AFDN: variants seen among roughly 807,000 people sequenced by gnomAD.
The protein encoded by AFDN is afadin.
In AFDN, 68 loss-of-function variants were observed where a neutral mutation model predicts 216.6. That is an observed-to-expected ratio of 0.31 (90% CI 0.26 to 0.38). The LOEUF (loss-of-function observed/expected upper bound fraction) is 0.38, where lower values mean the gene tolerates loss of function less well. Among genes scored for constraint, AFDN ranks in the 10% least tolerant of loss-of-function variants. The pLI is 1.00. For missense variants in AFDN, 2,136 were observed against 2,342.0 expected (o/e 0.91, Z 1.82); for synonymous variants, 868 against 853.7 (o/e 1.02, Z -0.29).
Position 167,911,478 on chromosome 6 carries a change from G to A in AFDN, c.2026G>A (p.Gly676Ser), listed in dbSNP as rs1790387432. Reference sequence around the variant, plus strand: ...CAACAAGATGGTGAGCATGATGGAGGGTGTCATCCAGGTACGTTCCAGCCG... The same window carrying A: ...CAACAAGATGGTGAGCATGATGGAGAGTGTCATCCAGGTACGTTCCAGCCG... Reference protein sequence around the residue: ...VVNKMVSMMEGVIQEVDQVDQ... With the variant: ...VVNKMVSMMESVIQEVDQVDQ... Residue 676 changes from glycine to serine, a missense_variant, in exon 15 of 34, where the codon GGT becomes AGT. Gly to Ser is a moderately conservative substitution (Grantham distance 56). This residue lies in a region of AFDN where 817 missense variants were observed against 965.7 expected (regional missense o/e 0.85). Transcript: ENST00000683244. 6.2e-7 allele frequency: 1 copy of A among 1,613,888 alleles called. No homozygotes were observed. Among genetic ancestry groups the A allele is most frequent in the Admixed American group, 1.7e-5 (1 of 59,990 alleles).
chr6:167,890,408 C>T (rs538169628), intron 7 of AFDN, among the ~76,000 whole-genome samples: 62 of 152,100 alleles, frequency 4.1e-4, no homozygotes, highest in South Asian at 1.0e-3. Flanking sequence ...CGGGAACAGG[C>T]GGTATTTGGT....
At position 167,843,184 on chromosome 6, in the gene AFDN, T is replaced by G. The variant is rs1365467868; in HGVS notation, c.105+15947T>G. On this transcript the variant is annotated intron_variant, in intron 1 of 33. Coordinates refer to ENST00000683244, the MANE Select transcript of AFDN (RefSeq NM_001386888.1). The stretch of plus-strand genomic sequence containing the variant: ...ATTACCTCCACATCGTAAACTTGAT[T>G]GGTCTCTTTGCTTCTAGTCCATTCT... Among the ~76,000 whole-genome samples the G allele has an allele frequency of 3.9e-5, 6 of 152,210 alleles. No individual in the cohort carries two copies. In the East Asian group the frequency reaches 1.2e-3, roughly 29 times the overall value.
At chr6:167,963,668 C>T (rs940050601) in intron 31 of AFDN, 126 of 1,060,566 alleles carry the variant, frequency 1.2e-4, no homozygotes, top group Non-Finnish European at 1.4e-4. Context: ...CCTTTGCCCT[C>T]TAAGTTTATC....
intron 6 of AFDN, among the ~76,000 whole-genome samples, chr6:167,883,973 C>T (rs1310790966): frequency 6.6e-6 from 1 of 152,244 alleles, no homozygotes; most frequent in African/African-American, 2.4e-5. Context: ...GTCCTCCCAA[C>T]CCCTGCCACT....
At chr6:167,917,283 G>T in intron 20 of AFDN, 51 bp downstream of exon 20, 2 of 1,402,648 alleles carry the variant, frequency 1.4e-6, no homozygotes, top group Non-Finnish European at 1.9e-6. Context: ...GTTTGCATGG[G>T]GACATTTGGA....
chr6:167,913,517 T>C, intron 16 of AFDN, 94 bp downstream of exon 16: 1 of 1,182,478 alleles, frequency 8.5e-7, no homozygotes, highest in Non-Finnish European at 1.2e-6. Flanking sequence ...ACAGCTGGAC[T>C]GAACAGCTCA....
chr6:167,885,207 C>T (rs1031119371), intron 6 of AFDN, among the ~76,000 whole-genome samples: 1 of 152,168 alleles, frequency 6.6e-6, no homozygotes, highest in Admixed American at 6.5e-5. Flanking sequence ...CAGACTTTCT[C>T]CATATGAGCA....
chr6:167,898,151 T>C (rs1281237787), intron 10 of AFDN, 54 bp from the exon 11 acceptor site: 11 of 1,595,034 alleles, frequency 6.9e-6, no homozygotes, highest in African/African-American at 1.3e-5. Context: ...CATTCTGTGT[T>C]TAAATGCTGT....
At position 167,965,989 on chromosome 6, in the gene AFDN, C is replaced by G. The variant is rs1797512598; in HGVS notation, c.5201C>G (p.Thr1734Ser). 1 of 1,550,872 alleles carries G rather than the reference C, an allele frequency of 6.4e-7. No individual in the cohort carries two copies. Among genetic ancestry groups the G allele is most frequent in the Non-Finnish European group, 8.7e-7 (1 of 1,146,952 alleles). Residue 1734 changes from threonine to serine, a missense_variant, in exon 32 of 34, where the codon ACT (threonine) becomes AGT (serine). Thr to Ser is a moderately conservative substitution (Grantham distance 58). Transcript: ENST00000683244. Reference protein sequence around the residue: ...TQVLSPDSLFTAKFVAYNEEE... With the variant: ...TQVLSPDSLFSAKFVAYNEEE... ...GTCCTCTCCCCCGACTCGCTGTTCA[C>G]TGCCAAGTTTGTTGCATACAATGAG... is the stretch of plus-strand genomic sequence containing the variant.
At chr6:167,843,215 C>A (rs1010523869) in intron 1 of AFDN, among the ~76,000 whole-genome samples, 26 of 152,264 alleles carry the variant, frequency 1.7e-4, no homozygotes, top group Non-Finnish European at 3.1e-4. Flanking sequence ...ATTCTATACT[C>A]AAATGTTACA....
intron 1 of AFDN, among the ~76,000 whole-genome samples, chr6:167,844,116 C>A (rs1781364475): frequency 6.6e-6 from 1 of 151,852 alleles, no homozygotes; most frequent in South Asian, 2.1e-4. Flanking sequence ...CAGACATAGC[C>A]ACTGTAAGGA....
intron 32 of AFDN, 152 bp downstream of exon 32, chr6:167,966,197 T>C (rs1437634302): frequency 6.5e-7 from 1 of 1,534,050 alleles, no homozygotes; most frequent in South Asian, 1.2e-5. Context: ...AAGCCAACAG[T>C]ACTGCTCACA....
chr6:167,918,177 G>A (rs184126827), intron 20 of AFDN, among the ~76,000 whole-genome samples: 7 of 152,298 alleles, frequency 4.6e-5, no homozygotes, highest in Admixed American at 2.0e-4. Flanking sequence ...TAGGATTTAT[G>A]AACTTTCCTA....
chr6:167,970,897 T>C lies in AFDN; in HGVS notation c.*962T>C, dbSNP rs926185982. 2 of 214,656 alleles carry C rather than the reference T, an allele frequency of 9.3e-6. No individual in the cohort carries two copies. Among genetic ancestry groups the C allele is most frequent in the African/African-American group, 4.5e-5 (2 of 44,260 alleles). The allele number at this position is 214,656 out of a possible 1,614,324, so 13.3% of individuals were successfully genotyped here. ...TTTGAAAAAGAAATCGATTTTCATC[T>C]GTATGCCGTCAAGGAAGGAATTCAG... On this transcript the variant is annotated 3_prime_UTR_variant, in exon 34 of 34. Coordinates refer to ENST00000683244, the MANE Select transcript of AFDN (RefSeq NM_001386888.1).
At chr6:167,883,205 C>T (rs1786363962) in intron 6 of AFDN, among the ~76,000 whole-genome samples, 1 of 151,974 alleles carries the variant, frequency 6.6e-6, no homozygotes, top group Non-Finnish European at 1.5e-5. Flanking sequence ...GATTCCTCTG[C>T]AGTAGTGCTG....
chr6:167,889,287 T>C lies in AFDN; in HGVS notation c.970T>C (p.Cys324Arg). The C allele has an allele frequency of 6.2e-7, 1 of 1,613,882 alleles. No homozygotes were observed. Among genetic ancestry groups the C allele is most frequent in the Non-Finnish European group, 8.5e-7 (1 of 1,179,750 alleles). The part of the protein sequence containing the change: ...AKEIILDDDE[C>R]PLQIFREWPS... ...AGAAATTATTCTTGATGATGATGAG[T>C]GTCCTTTACAAATCTTCAGGGAATG... Residue 324 changes from cysteine (C) to arginine (R), a missense_variant, in exon 7 of 34, where the codon TGT (cysteine) becomes CGT (arginine). Physicochemically the swap from Cys to Arg is radical, Grantham distance 180. Coordinates refer to ENST00000683244, the MANE Select transcript of AFDN (RefSeq NM_001386888.1).
At chr6:167,946,176 A>G (rs932583490) in intron 26 of AFDN, among the ~76,000 whole-genome samples, 1 of 152,178 alleles carries the variant, frequency 6.6e-6, no homozygotes, top group African/African-American at 2.4e-5. Context: ...CTAATTTCTT[A>G]GTTAGTGGTC....
In AFDN at chr6:167,893,488, G is replaced by A. The variant is rs575779189; in HGVS notation, c.1178-374G>A. 8.5e-5 allele frequency among the ~76,000 whole-genome samples: 13 copies of A among 152,184 alleles called. No homozygotes were observed. The East Asian group carries it at 2.5e-3, about 29-fold the overall frequency. ...CAGCATTGTCTTTTGGAGAAATGGG[G>A]AGAAATACATTATTTCGTTCTTTGC... On this transcript the variant is annotated intron_variant, in intron 8 of 33. Transcript: ENST00000683244.
At chr6:167,836,554 AAAC>A (rs1330261233) in intron 1 of AFDN, among the ~76,000 whole-genome samples, 2 of 152,238 alleles carry the variant, frequency 1.3e-5, no homozygotes, top group Admixed American at 6.5e-5. Context: ...CGTGTAGTAA[AAAC>A]AAAATGTCAG....
Sources: allele counts gnomAD v4.1 joint callset (sites outside exome capture counted in the v4.1 genomes callset), GRCh38; gene constraint gnomAD v4.1.1; regional missense constraint gnomAD v4.1.1; transcripts MANE v1.5; gene names NCBI Gene and HGNC (gene_info 2026-07-23, HGNC 2026-07-21).